EPS8: variants seen among roughly 807,000 people sequenced by gnomAD.
EPS8 encodes the protein epidermal growth factor receptor kinase substrate 8.
EPS8 carries 42 observed loss-of-function variants against 103.8 expected under a neutral mutation model. That is an observed-to-expected ratio of 0.40 (90% confidence interval 0.32 to 0.52). The LOEUF (loss-of-function observed/expected upper bound fraction) is 0.52, where lower values mean the gene tolerates loss of function less well. EPS8 is among the 20% of genes least tolerant of loss of function. EPS8 has a pLI of 0.40. For missense variants in EPS8, 969 were observed against 1,005.1 expected (o/e 0.96, Z 0.49); for synonymous variants, 344 against 344.6 (o/e 1.00, Z 0.02).
chr12:15,656,683 T>C (rs1398850535), intron 12 of EPS8, among the ~76,000 whole-genome samples: 3 of 152,116 alleles, frequency 2.0e-5, no homozygotes, highest in Non-Finnish European at 4.4e-5. Context: ...GATTTCTCCA[T>C]TGAACTCCAA....
intron 12 of EPS8, 97 bp downstream of exon 12, chr12:15,657,982 A>G: frequency 2.7e-6 from 2 of 730,686 alleles, no homozygotes; most frequent in Non-Finnish European, 4.8e-6. Flanking sequence ...GTACCCACGC[A>G]AGGTAATGAA....
intron 1 of EPS8, among the ~76,000 whole-genome samples, chr12:15,711,785 TAAGA>T (rs905037083): frequency 2.4e-4 from 37 of 152,164 alleles, no homozygotes; most frequent in Admixed American, 1.2e-3. Context: ...ATAAGGGTCT[TAAGA>T]AATAATAGTG....
intron 3 of EPS8, among the ~76,000 whole-genome samples, chr12:15,679,590 T>C (rs949304927): frequency 6.6e-6 from 1 of 152,200 alleles, no homozygotes; most frequent in Non-Finnish European, 1.5e-5. Context: ...CCTGAAATGC[T>C]GAAGAACACA....
intron 20 of EPS8, 32 bp downstream of exon 20, chr12:15,623,126 G>T: frequency 6.4e-7 from 1 of 1,573,492 alleles, no homozygotes; most frequent in South Asian, 1.2e-5. Flanking sequence ...TCAATTTGCA[G>T]AAAAACACCA....
At position 15,787,229 on chromosome 12, in the gene EPS8, G is replaced by C. The variant is rs1031619945; in HGVS notation, c.-22+1932C>G. 6.6e-6 allele frequency among the ~76,000 whole-genome samples: 1 copy of C among 152,116 alleles called. No individual in the cohort carries two copies. The highest frequency in any genetic ancestry group is 2.4e-5 in the African/African-American group (1 of 41,438). On this transcript the variant is annotated intron_variant, in intron 1 of 20. Transcript: ENST00000281172. The surrounding 1 kb of genome is among the most constrained non-coding windows in gnomAD (Gnocchi z 4.9). Reference sequence around the variant, plus strand: ...GTAGAGAGAAGAATAAAAAGCAGTAGGGTAAAGGGTGTGAAACAGAGTGTA... The same window carrying C: ...GTAGAGAGAAGAATAAAAAGCAGTACGGTAAAGGGTGTGAAACAGAGTGTA...
At chr12:15,703,858 T>TTG (rs1555119090) in intron 1 of EPS8, among the ~76,000 whole-genome samples, 2 of 146,188 alleles carry the variant, frequency 1.4e-5, no homozygotes, top group Non-Finnish European at 3.0e-5. Flanking sequence ...TTTTTTTTTT[T>TTG]TTTTTTTTTT....
chr12:15,639,563 A>G (rs938539340), intron 17 of EPS8, among the ~76,000 whole-genome samples: 2 of 152,072 alleles, frequency 1.3e-5, no homozygotes, highest in Admixed American at 6.5e-5. Context: ...CCATCACTTT[A>G]AGTTACCGAG....
At chr12:15,786,605 G>C (rs1485602253) in intron 1 of EPS8, among the ~76,000 whole-genome samples, 1 of 152,022 alleles carries the variant, frequency 6.6e-6, no homozygotes, top group East Asian at 1.9e-4. Context: ...GCTGGTATGG[G>C]GGTATATAGA....
At position 15,771,206 on chromosome 12, in the gene EPS8, G is replaced by A. The variant is rs1371885166; in HGVS notation, c.-22+17955C>T. Among the ~76,000 whole-genome samples the A allele has an allele frequency of 6.6e-6, 1 of 152,164 alleles. No homozygotes were observed. ...AAATTAAAAAGTTATTCCAAATATAGACAAGAGGGACACTGAAGCACAGAC... is the reference window on the plus strand; with the variant it reads ...AAATTAAAAAGTTATTCCAAATATAAACAAGAGGGACACTGAAGCACAGAC... On this transcript the variant is annotated intron_variant, in intron 1 of 20. Coordinates refer to ENST00000281172, the MANE Select transcript of EPS8 (RefSeq NM_004447.6). The surrounding 1 kb of genome is among the most constrained non-coding windows in gnomAD (Gnocchi z 4.6).
chr12:15,753,337 A>G (rs1323043907), intron 1 of EPS8, among the ~76,000 whole-genome samples: 1 of 152,210 alleles, frequency 6.6e-6, no homozygotes, highest in African/African-American at 2.4e-5. Flanking sequence ...AAAATGGAAG[A>G]TCTCGATGAA....
chr12:15,749,164 G>A lies in EPS8; in HGVS notation c.-22+39997C>T, dbSNP rs1319428312. ...CTGACTATTTAAGATTATGCCTTAG[G>A]CTCTCACTAAGGGCCAATATAGGAA... On this transcript the variant is annotated intron_variant, in intron 1 of 20. Transcript: ENST00000281172. The surrounding 1 kb of genome is among the most constrained non-coding windows in gnomAD (Gnocchi z 4.0). Among the ~76,000 whole-genome samples the A allele has an allele frequency of 6.6e-6, 1 of 151,798 alleles. No homozygotes were observed. The highest frequency in any genetic ancestry group is 1.5e-5 in the Non-Finnish European group (1 of 67,976).
rs1388125407 is a variant in EPS8, at chr12:15,747,847, C to T, written c.-22+41314G>A. Among the ~76,000 whole-genome samples, 6 of 151,962 alleles carry T rather than the reference C, an allele frequency of 3.9e-5. No homozygotes were observed. The highest frequency in any genetic ancestry group is 8.8e-5 in the Non-Finnish European group (6 of 68,002). On this transcript the variant is annotated intron_variant, in intron 1 of 20. Transcript: ENST00000281172. The surrounding 1 kb of genome is among the most constrained non-coding windows in gnomAD (Gnocchi z 4.4). ...CATCCTGGCTAACACGGTGAAACCCCGTCTCTACTAAAAATACAAAGAATT... is the reference window on the plus strand; with the variant it reads ...CATCCTGGCTAACACGGTGAAACCCTGTCTCTACTAAAAATACAAAGAATT...
In EPS8 at chr12:15,620,943, G is replaced by C. The variant is rs761372307; in HGVS notation, c.*374C>G. On this transcript the variant is annotated 3_prime_UTR_variant, in exon 21 of 21. Transcript: ENST00000281172. ...AGACACCATATTCACAGGCAAAATC[G>C]AAACTGCTTAGATTTTGAATCATGG... The C allele has an allele frequency of 5.9e-6, 1 of 168,502 alleles. No homozygotes were observed. Among genetic ancestry groups the C allele is most frequent in the African/African-American group, 2.4e-5 (1 of 41,744 alleles). 10.4% of individuals were successfully genotyped at this position (168,502 alleles called of 1,614,324 possible).
chr12:15,755,741 C>G (rs1805713723), intron 1 of EPS8, among the ~76,000 whole-genome samples: 2 of 152,278 alleles, frequency 1.3e-5, no homozygotes, highest in East Asian at 3.9e-4. Flanking sequence ...CACCCTCGTC[C>G]CTTCCTGTCT....
At chr12:15,666,418 T>G in intron 7 of EPS8, 22 bp downstream of exon 7, 1 of 1,583,412 alleles carries the variant, frequency 6.3e-7, no homozygotes, top group Non-Finnish European at 8.7e-7. Flanking sequence ...TTCCACTCCT[T>G]GATTTCTTTC....
chr12:15,692,106 G>A (rs1946180813), intron 1 of EPS8, among the ~76,000 whole-genome samples: 1 of 151,956 alleles, frequency 6.6e-6, no homozygotes, highest in Non-Finnish European at 1.5e-5. Context: ...CGTTCCCCCT[G>A]TCTTGGAGCC....
chr12:15,710,880 A>AT (rs1946453742), intron 1 of EPS8, among the ~76,000 whole-genome samples: 1 of 151,972 alleles, frequency 6.6e-6, no homozygotes, highest in Admixed American at 6.6e-5. Context: ...AAAGGCTAGA[A>AT]TTTTTTCTAA....
Position 15,738,781 on chromosome 12 carries a change from CAA to C in EPS8, c.-22+50378_-22+50379del, listed in dbSNP as rs1946791288. ...AATACCAGCAGCTACAAAGTCCTGG[CAA>C]TAGCAGGTGCTTAATAAATGTTTGT... On this transcript the variant is annotated intron_variant, in intron 1 of 20. Coordinates refer to ENST00000281172, the MANE Select transcript of EPS8 (RefSeq NM_004447.6). The surrounding 1 kb of genome is among the most constrained non-coding windows in gnomAD (Gnocchi z 6.2). Among the ~76,000 whole-genome samples the C allele has an allele frequency of 6.6e-6, 1 of 152,054 alleles. No homozygotes were observed. The highest frequency in any genetic ancestry group is 1.5e-5 in the Non-Finnish European group (1 of 68,022).
rs898218235 is a variant in EPS8 at position 15,761,008 on chromosome 12, C to T, written c.-22+28153G>A. Among the ~76,000 whole-genome samples, 1 of 151,998 alleles carries T rather than the reference C, an allele frequency of 6.6e-6. No individual in the cohort carries two copies. The highest frequency in any genetic ancestry group is 1.5e-5 in the Non-Finnish European group (1 of 67,946). On this transcript the variant is annotated intron_variant, in intron 1 of 20. Transcript: ENST00000281172. The surrounding 1 kb of genome is among the most constrained non-coding windows in gnomAD (Gnocchi z 4.5). Reference sequence around the variant, plus strand: ...TTGGAAAAGAAAAACCCAAATTATCCTTGTCTGCAGATGATATGATCTTAT... The same window carrying T: ...TTGGAAAAGAAAAACCCAAATTATCTTTGTCTGCAGATGATATGATCTTAT...
Sources: allele counts gnomAD v4.1 joint callset (sites outside exome capture counted in the v4.1 genomes callset), GRCh38; gene constraint gnomAD v4.1.1; non-coding constraint Gnocchi (gnomAD v3.1); transcripts MANE v1.5; gene names NCBI Gene and HGNC (gene_info 2026-07-23, HGNC 2026-07-21).